IFIH1: variants seen among roughly 807,000 people sequenced by gnomAD.
IFIH1 encodes the protein interferon induced with helicase C domain 1, also known as interferon-induced helicase C domain-containing protein 1.
In IFIH1, 125 loss-of-function variants were observed where a neutral mutation model predicts 107.4. The observed-to-expected ratio is 1.16, with a 90% CI of 1.01 to 1.35. The LOEUF is 1.35. Ranked by LOEUF, IFIH1 falls within the 40% of genes most tolerant of loss-of-function variation. IFIH1 has a pLI of 0.00. For missense variants in IFIH1, 1,333 were observed against 1,213.7 expected (o/e 1.10, Z -1.46); for synonymous variants, 458 against 413.2 (o/e 1.11, Z -1.31).
intron 1 of IFIH1, among the ~76,000 whole-genome samples, chr2:162,316,420 A>G (rs1284623303): frequency 2.6e-5 from 4 of 152,218 alleles, no homozygotes; most frequent in Non-Finnish European, 5.9e-5. Context: ...TTCTCAATAC[A>G]CAAAACGACA....
intron 1 of IFIH1, among the ~76,000 whole-genome samples, chr2:162,314,399 C>CCTTCTTTCTTTCT (rs1683437833): frequency 1.8e-5 from 1 of 56,762 alleles, no homozygotes; most frequent in African/African-American, 9.4e-5. Flanking sequence ...TCCCTCCCTC[C>CCTTCTTTCTTTCT]TTTCTTTCTT....
chr2:162,312,952 A>C (rs1250024816), intron 1 of IFIH1, among the ~76,000 whole-genome samples: 1 of 152,188 alleles, frequency 6.6e-6, no homozygotes, highest in Non-Finnish European at 1.5e-5. Flanking sequence ...AGCATATTCT[A>C]TCCACAAAAT....
At chr2:162,286,235 G>T (rs1472132747) in intron 5 of IFIH1, among the ~76,000 whole-genome samples, 1 of 151,984 alleles carries the variant, frequency 6.6e-6, no homozygotes. Flanking sequence ...GCCACATGAT[G>T]CTGCCTTGTC....
Position 162,267,998 on chromosome 2 carries a change from C to T in IFIH1, c.2807+89G>A, listed in dbSNP as rs962111535. 9.4e-5 allele frequency: 76 copies of T among 807,814 alleles called. No individual in the cohort carries two copies. The African/African-American group carries it at 1.2e-3, about 13-fold the overall frequency. 50.0% of individuals were successfully genotyped at this position (807,814 alleles called of 1,614,324 possible). A position where few individuals can be genotyped will look rare whatever the true frequency, so the allele number is the denominator to read the frequency against. On this transcript the variant is annotated intron_variant, in intron 14 of 15. Transcript: ENST00000649979. ...AGAGGAAGTTGTAAAATAAATGAAT[C>T]TCATTTGCACTATTTTGAAAGAACA...
chr2:162,282,223 C>T, intron 6 of IFIH1, 143 bp downstream of exon 6: 2 of 560,118 alleles, frequency 3.6e-6, no homozygotes, highest in South Asian at 2.9e-5. Context: ...TTTGTTTCCT[C>T]CAGGAAGTAG....
rs187674538 is a variant in IFIH1 at position 162,287,468 on chromosome 2, A to G, written c.1095+667T>C. Among the ~76,000 whole-genome samples, 507 of 151,986 alleles carry G rather than the reference A, an allele frequency of 3.3e-3. 1 individual carries two copies. Among genetic ancestry groups the G allele is most frequent in the African/African-American group, 0.012 (495 of 41,524 alleles). ...TAGATTTTGTTTTACGGTGAAGCAG[A>G]CATATTTACTTATGAAGATGGCCTT... On this transcript the variant is annotated intron_variant, in intron 5 of 15. Coordinates refer to ENST00000649979, the MANE Select transcript of IFIH1 (RefSeq NM_022168.4).
chr2:162,273,340 C>G (rs925270517), intron 12 of IFIH1, among the ~76,000 whole-genome samples: 7 of 152,090 alleles, frequency 4.6e-5, no homozygotes, highest in African/African-American at 1.7e-4. Context: ...ATGAAAACTT[C>G]TAAACACACA....
chr2:162,272,098 C>A (rs1206911949), intron 13 of IFIH1, 128 bp downstream of exon 13: 1 of 736,024 alleles, frequency 1.4e-6, no homozygotes. Flanking sequence ...GGATTAAGCA[C>A]AGTTCACTAA....
In IFIH1 at chr2:162,282,579, T is replaced by TA. The variant is rs1453617092; in HGVS notation, c.1096-4dup. 5.7e-6 allele frequency: 9 copies of TA among 1,587,432 alleles called. No individual in the cohort carries two copies. Among genetic ancestry groups the TA allele is most frequent in the East Asian group, 2.3e-5 (1 of 44,288 alleles). On this transcript the variant is annotated splice_polypyrimidine_tract_variant and splice_region_variant and intron_variant, in intron 5 of 15. Coordinates refer to ENST00000649979, the MANE Select transcript of IFIH1 (RefSeq NM_022168.4). ...AAGAGCTGTTCAACTAGCAGTACCT[T>TA]AAAAAAATGTGAAGATTTTTTAAAA...
At chr2:162,288,100 A>G (rs1204133810) in intron 5 of IFIH1, 35 bp downstream of exon 5, 20 of 1,373,934 alleles carry the variant, frequency 1.5e-5, no homozygotes, top group Non-Finnish European at 2.0e-5. Flanking sequence ...AATACAATGA[A>G]AATGATCAAC....
chr2:162,286,835 G>A (rs1682902536), intron 5 of IFIH1, among the ~76,000 whole-genome samples: 1 of 151,902 alleles, frequency 6.6e-6, no homozygotes, highest in Non-Finnish European at 1.5e-5. Context: ...GTATTTAAGA[G>A]TAAAAGCAGG....
Position 162,273,922 on chromosome 2 carries a change from CTAA to C in IFIH1, c.2324_2326del (p.Ile775del), listed in dbSNP as rs2105193787. On this transcript the variant is annotated inframe_deletion, in exon 12 of 16. Coordinates refer to ENST00000649979, the MANE Select transcript of IFIH1 (RefSeq NM_022168.4). ...ATTTATTTTTCCAGTGCGAAATTTACTAATGACTTCTTTTTGTTCATTCTGTAG... is the reference window on the plus strand; with the variant it reads ...ATTTATTTTTCCAGTGCGAAATTTACTGACTTCTTTTTGTTCATTCTGTAG... 1.9e-6 allele frequency: 3 copies of C among 1,604,798 alleles called. No individual in the cohort carries two copies. The highest frequency in any genetic ancestry group is 2.6e-6 in the Non-Finnish European group (3 of 1,173,282).
At chr2:162,301,631 G>A (rs1683195310) in intron 3 of IFIH1, among the ~76,000 whole-genome samples, 2 of 152,206 alleles carry the variant, frequency 1.3e-5, no homozygotes, top group African/African-American at 4.8e-5. Flanking sequence ...CAAAGCAGCA[G>A]TAGCAGACAA....
intron 5 of IFIH1, among the ~76,000 whole-genome samples, chr2:162,287,864 G>T (rs1221775067): frequency 6.6e-6 from 1 of 151,850 alleles, no homozygotes; most frequent in Non-Finnish European, 1.5e-5. Context: ...GGAAGCAGAT[G>T]AATCAAAACT....
At chr2:162,282,038 T>C (rs1682818805) in intron 6 of IFIH1, among the ~76,000 whole-genome samples, 1 of 151,952 alleles carries the variant, frequency 6.6e-6, no homozygotes, top group South Asian at 2.1e-4. Context: ...TCTCATCCTA[T>C]ACCCCATAAA....
At position 162,268,147 on chromosome 2, in the gene IFIH1, G is replaced by C; in HGVS notation, c.2747C>G (p.Ser916Cys). 6.2e-7 allele frequency: 1 copy of C among 1,613,068 alleles called. No individual in the cohort carries two copies. ...LCKNCSVLACSGEDIHVIEKM... is the reference protein window; with the variant it reads ...LCKNCSVLACCGEDIHVIEKM... The stretch of plus-strand genomic sequence containing the variant: ...CTCAATTACATGGATATCTTCCCCA[G>C]AACAGGCTAGCACACTGCAGTTTTT... The change falls in exon 14 of 16, where the codon TCT becomes TGT. Residue 916 changes from serine to cysteine, a missense_variant. Physicochemically the swap from Ser to Cys is moderately radical, Grantham distance 112. Transcript: ENST00000649979.
chr2:162,306,941 C>T, intron 2 of IFIH1, 86 bp from the exon 3 acceptor site: 1 of 1,186,066 alleles, frequency 8.4e-7, no homozygotes, highest in Non-Finnish European at 1.2e-6. Context: ...ATTTTGAAAA[C>T]AAACTAGAGG....
At chr2:162,282,613 G>T in intron 5 of IFIH1, 37 bp from the exon 6 acceptor site, 1 of 1,413,618 alleles carries the variant, frequency 7.1e-7, no homozygotes, top group Non-Finnish European at 9.8e-7. Flanking sequence ...AAGAGAGAAA[G>T]TTAGTCGAAG....
At chr2:162,285,501 A>C (rs1215884263) in intron 5 of IFIH1, among the ~76,000 whole-genome samples, 1 of 152,026 alleles carries the variant, frequency 6.6e-6, no homozygotes, top group Non-Finnish European at 1.5e-5. Flanking sequence ...TTTAAAATTC[A>C]AAAAGATGGT....
Sources: allele counts gnomAD v4.1 joint callset (sites outside exome capture counted in the v4.1 genomes callset), GRCh38; gene constraint gnomAD v4.1.1; transcripts MANE v1.5; gene names NCBI Gene and HGNC (gene_info 2026-07-23, HGNC 2026-07-21).